The following KLF12 variants were observed in gnomAD, a reference collection of about 807,000 sequenced individuals.
KLF12 encodes the protein Krueppel-like factor 12.
In KLF12, 9 loss-of-function variants were observed where a neutral mutation model predicts 37.8. The ratio of observed to expected loss-of-function variants is 0.24; its 90% CI spans 0.14 to 0.42. KLF12 has a LOEUF of 0.42. Ranked by LOEUF, KLF12 falls within the 10% of genes least tolerant of loss-of-function variation. The probability of loss-of-function intolerance (pLI) is 1.00; values close to 1 mark genes in which losing one functional copy is unlikely to be tolerated. For synonymous variants in KLF12, 208 were observed against 202.1 expected (o/e 1.03, Z -0.25); for missense variants, 411 against 516.0 (o/e 0.80, Z 1.97).
intron 3 of KLF12, among the ~76,000 whole-genome samples, chr13:73,887,190 T>C (rs953907561): frequency 2.0e-5 from 3 of 152,120 alleles, no homozygotes; most frequent in Non-Finnish European, 4.4e-5. Flanking sequence ...TTAATCTAGA[T>C]AGTCTAATCT....
intron 3 of KLF12, among the ~76,000 whole-genome samples, chr13:73,936,215 C>T (rs1200758717): frequency 1.3e-5 from 2 of 152,114 alleles, no homozygotes; most frequent in South Asian, 2.1e-4. Context: ...AGCACTAGAT[C>T]GTGTATTCTT....
At chr13:74,085,895 C>G (rs539203157) in intron 1 of KLF12, among the ~76,000 whole-genome samples, 1 of 151,918 alleles carries the variant, frequency 6.6e-6, no homozygotes, top group African/African-American at 2.4e-5. Flanking sequence ...CTGGTACCTG[C>G]TAAAATGCTA....
chr13:73,821,359 C>T (rs1883516440), intron 4 of KLF12, among the ~76,000 whole-genome samples: 2 of 152,150 alleles, frequency 1.3e-5, no homozygotes, highest in Admixed American at 6.6e-5. Context: ...GTCTCATTTC[C>T]AGCATCCTAC....
chr13:74,245,397 A>C, the KLF12 span, among the ~76,000 whole-genome samples: 64 of 152,310 alleles, frequency 4.2e-4, no homozygotes, highest in African/African-American at 1.4e-3. Flanking sequence ...CTATGGGAGT[A>C]GATGAAATTG....
intron 1 of KLF12, among the ~76,000 whole-genome samples, chr13:74,025,209 A>G (rs1044388073): frequency 6.6e-6 from 1 of 152,168 alleles, no homozygotes; most frequent in Non-Finnish European, 1.5e-5. Context: ...TTTGACAGCT[A>G]TGTTTCAAAG....
chr13:74,041,917 A>G (rs1893415269), intron 1 of KLF12, among the ~76,000 whole-genome samples: 1 of 152,186 alleles, frequency 6.6e-6, no homozygotes, highest in South Asian at 2.1e-4. Flanking sequence ...TCATATAAAC[A>G]TCTAAAAAAT....
At chr13:73,906,603 A>AGC (rs1566450839) in intron 3 of KLF12, among the ~76,000 whole-genome samples, 1 of 152,194 alleles carries the variant, frequency 6.6e-6, no homozygotes. Flanking sequence ...AAGTACATAC[A>AGC]GCCACTCTAT....
chr13:73,728,127 A>AT (rs1229787043), intron 6 of KLF12, among the ~76,000 whole-genome samples: 1 of 152,238 alleles, frequency 6.6e-6, no homozygotes, highest in Non-Finnish European at 1.5e-5. Flanking sequence ...AATTAAAAAA[A>AT]TTTTTTTAAC....
At position 73,687,732 on chromosome 13, in the gene KLF12, CTG is replaced by C. The variant is rs1230260564; in HGVS notation, c.*7756_*7757del. 1 of 152,164 alleles carries C rather than the reference CTG, an allele frequency of 6.6e-6. No homozygotes were observed. The highest frequency in any genetic ancestry group is 1.5e-5 in the Non-Finnish European group (1 of 68,034). The allele number at this position is 152,164 out of a possible 1,614,324, so 9.4% of individuals were successfully genotyped here. On this transcript the variant is annotated 3_prime_UTR_variant, in exon 8 of 8. Transcript: ENST00000377669. ...CTTACTTCTCAACAAAAATGAATCT[CTG>C]TGAAAGTCTTGATGAACCTGCTTTG...
the KLF12 span, among the ~76,000 whole-genome samples, chr13:74,152,981 T>C: frequency 2.0e-5 from 3 of 151,452 alleles, no homozygotes; most frequent in African/African-American, 7.3e-5. Context: ...AAAGCATAAA[T>C]GTCAGATAAA....
chr13:74,036,324 C>T (rs914291152), intron 1 of KLF12, among the ~76,000 whole-genome samples: 15 of 152,070 alleles, frequency 9.9e-5, no homozygotes, highest in African/African-American at 3.6e-4. Context: ...TCCCACGGTA[C>T]CTAATATAAG....
chr13:74,149,696 C>T, the KLF12 span, among the ~76,000 whole-genome samples: 1 of 152,210 alleles, frequency 6.6e-6, no homozygotes, highest in East Asian at 1.9e-4. Context: ...GCTCAACACC[C>T]TCACAATGTC....
chr13:73,856,618 T>C (rs530599095), intron 3 of KLF12, among the ~76,000 whole-genome samples: 2 of 151,926 alleles, frequency 1.3e-5, no homozygotes, highest in Admixed American at 1.3e-4. Context: ...CCATTCAACA[T>C]CTATCCCTAA....
chr13:74,179,104 T>C, the KLF12 span, among the ~76,000 whole-genome samples: 4,081 of 152,292 alleles, frequency 0.027, 86 homozygotes, highest in Middle Eastern at 0.075. Flanking sequence ...ATGGTCCAAA[T>C]ATAGGCTGCG....
At chr13:74,098,746 C>A (rs1182905591) in intron 1 of KLF12, among the ~76,000 whole-genome samples, 1 of 152,124 alleles carries the variant, frequency 6.6e-6, no homozygotes, top group East Asian at 1.9e-4. Flanking sequence ...TTGTTTTCAA[C>A]TTTTTGTACA....
chr13:73,812,368 A>G (rs949293072), intron 5 of KLF12, among the ~76,000 whole-genome samples: 20 of 130,448 alleles, frequency 1.5e-4, no homozygotes, highest in African/African-American at 5.0e-4. Context: ...CTAGGAGTGT[A>G]GAACTTATGC....
At chr13:73,751,698 A>C (rs1878766525) in intron 6 of KLF12, among the ~76,000 whole-genome samples, 1 of 152,214 alleles carries the variant, frequency 6.6e-6, no homozygotes, top group Non-Finnish European at 1.5e-5. Flanking sequence ...TGGCTCTTCC[A>C]ATGCTAAAGT....
chr13:73,956,983 G>C (rs1890855885), intron 2 of KLF12, among the ~76,000 whole-genome samples: 1 of 146,432 alleles, frequency 6.8e-6, no homozygotes, highest in East Asian at 2.0e-4. Context: ...GGAGGGAAAG[G>C]AGGGAAGGGA....
the KLF12 span, among the ~76,000 whole-genome samples, chr13:74,202,795 C>A: frequency 6.6e-6 from 1 of 152,152 alleles, no homozygotes; most frequent in African/African-American, 2.4e-5. Context: ...TCAGTAATCA[C>A]TGGACAGACC....
Sources: gnomAD v4.1 joint callset for allele counts (sites outside exome capture counted in the v4.1 genomes callset) on GRCh38, gnomAD v4.1.1 for gene constraint, MANE v1.5 for transcripts, NCBI Gene and HGNC (gene_info 2026-07-23, HGNC 2026-07-21) for gene names.